The following NOX3 variants were observed in gnomAD, a reference collection of about 807,000 sequenced individuals.
NOX3 encodes the protein NADPH oxidase catalytic subunit-like 3.
Under a neutral mutation model 76.7 loss-of-function variants are expected in NOX3, and 74 were observed. The ratio of observed to expected loss-of-function variants is 0.96; its 90% CI spans 0.80 to 1.17. The LOEUF is 1.17. Ranked by LOEUF, NOX3 falls within the 50% of genes most tolerant of loss-of-function variation. The pLI, the probability that NOX3 is intolerant of heterozygous loss-of-function variation, is 0.00. For synonymous variants in NOX3, 263 were observed against 261.1 expected, an observed-to-expected ratio of 1.01 and a Z score of -0.07; for missense variants, 695 against 703.3, an observed-to-expected ratio of 0.99 and a Z score of 0.13.
intron 12 of NOX3, among the ~76,000 whole-genome samples, chr6:155,400,239 C>T (rs923395100): frequency 6.6e-6 from 1 of 152,144 alleles, no homozygotes; most frequent in Admixed American, 6.5e-5. Flanking sequence ...TGGGTGCGCC[C>T]GGGAGTGATC....
chr6:155,455,376 C>A (rs1041460250), intron 1 of NOX3, among the ~76,000 whole-genome samples: 3 of 152,136 alleles, frequency 2.0e-5, no homozygotes, highest in African/African-American at 7.2e-5. Flanking sequence ...AACTACAAAA[C>A]CTTCTTAATC....
intron 6 of NOX3, among the ~76,000 whole-genome samples, chr6:155,439,546 C>A (rs1776953745): frequency 1.3e-5 from 2 of 152,096 alleles, no homozygotes; most frequent in South Asian, 4.2e-4. Context: ...ACACATTGTC[C>A]CTGCCCGAAC....
At chr6:155,410,893 T>A (rs1189003538) in intron 11 of NOX3, among the ~76,000 whole-genome samples, 1 of 152,208 alleles carries the variant, frequency 6.6e-6, no homozygotes, top group Non-Finnish European at 1.5e-5. Flanking sequence ...ATACAGCCAA[T>A]CAGTAATATT....
At chr6:155,441,240 T>G (rs976931512) in intron 5 of NOX3, among the ~76,000 whole-genome samples, 3 of 152,192 alleles carry the variant, frequency 2.0e-5, no homozygotes, top group African/African-American at 7.2e-5. Context: ...CTTTTGTCAG[T>G]AAAATCTCAT....
chr6:155,416,965 G>C (rs1043931459), intron 10 of NOX3, among the ~76,000 whole-genome samples: 4 of 151,840 alleles, frequency 2.6e-5, no homozygotes, highest in African/African-American at 7.3e-5. Context: ...TGGTCAGGCT[G>C]GTCTCCAACT....
At chr6:155,449,348 G>A (rs1777106070) in intron 4 of NOX3, among the ~76,000 whole-genome samples, 1 of 152,154 alleles carries the variant, frequency 6.6e-6, no homozygotes, top group South Asian at 2.1e-4. Context: ...CTTGATGGAA[G>A]CTGGAGCTCA....
chr6:155,432,263 A>G (rs1776844325), intron 7 of NOX3, among the ~76,000 whole-genome samples: 1 of 152,116 alleles, frequency 6.6e-6, no homozygotes, highest in Non-Finnish European at 1.5e-5. Context: ...AAATCCTGAC[A>G]TTCTGGGAAT....
intron 10 of NOX3, among the ~76,000 whole-genome samples, chr6:155,411,612 G>A (rs1459352450): frequency 6.6e-6 from 1 of 152,184 alleles, no homozygotes; most frequent in African/African-American, 2.4e-5. Context: ...AGTTTCTCTG[G>A]ATGAGGATCA....
intron 4 of NOX3, 82 bp downstream of exon 4, chr6:155,453,322 T>TGG (rs779966378): frequency 5.0e-5 from 53 of 1,067,340 alleles, no homozygotes; most frequent in Non-Finnish European, 7.6e-5. Context: ...GGGTGAGACT[T>TGG]GGGGAAGGCA....
In NOX3 at chr6:155,404,130, T is replaced by A. The variant is rs546250448; in HGVS notation, c.1580+3000A>T. ...CAGTGAATATATATATATATATATT[T>A]TTTTTTTCCCAAAAGGAGAAAATAG... On this transcript the variant is annotated intron_variant, in intron 12 of 13. Coordinates refer to ENST00000159060, the MANE Select transcript of NOX3 (RefSeq NM_015718.3). Among the ~76,000 whole-genome samples, 4 of 90,624 alleles carry A rather than the reference T, an allele frequency of 4.4e-5. No homozygotes were observed. In the East Asian group the frequency reaches 9.7e-4, roughly 22 times the overall value. 59.5% of individuals were successfully genotyped at this position (90,624 alleles called of 152,430 possible).
In NOX3 at chr6:155,407,197, G is replaced by T. The variant is rs1360201655; in HGVS notation, c.1513C>A (p.Gln505Lys). Residue 505 changes from glutamine to lysine, a missense_variant, in exon 12 of 14, where the codon CAG becomes AAG. By Grantham distance (53) the Gln-to-Lys change is moderately conservative. Coordinates refer to ENST00000159060, the MANE Select transcript of NOX3 (RefSeq NM_015718.3). Reference protein sequence around the residue: ...ENTDVITGLKQKTFYGRPNWN... With the variant: ...ENTDVITGLKKKTFYGRPNWN... ...TTGGGCCTCCCATAGAAGGTCTTCT[G>T]CTTTAAGCCTGTAATCACGTCAGTA... is the stretch of plus-strand genomic sequence containing the variant. The T allele has an allele frequency of 6.2e-7, 1 of 1,613,786 alleles. No homozygotes were observed. The highest frequency in any genetic ancestry group is 8.5e-7 in the Non-Finnish European group (1 of 1,179,924).
At chr6:155,398,996 G>C (rs1323394700) in intron 12 of NOX3, among the ~76,000 whole-genome samples, 4 of 152,194 alleles carry the variant, frequency 2.6e-5, no homozygotes, top group African/African-American at 9.7e-5. Context: ...AAGCTGAACA[G>C]AAGAGGTGGT....
intron 7 of NOX3, among the ~76,000 whole-genome samples, chr6:155,434,592 AG>A (rs1387621835): frequency 2.0e-5 from 3 of 152,210 alleles, no homozygotes; most frequent in Admixed American, 6.5e-5. Context: ...CAGAAATGAG[AG>A]CAAGAATGCA....
intron 1 of NOX3, among the ~76,000 whole-genome samples, chr6:155,455,492 G>A (rs979693400): frequency 6.6e-6 from 1 of 152,060 alleles, no homozygotes; most frequent in African/African-American, 2.4e-5. Context: ...GACTTCATTT[G>A]ATTTAGAGAA....
At chr6:155,423,363 CATTT>C (rs1776715895) in intron 9 of NOX3, among the ~76,000 whole-genome samples, 1 of 152,106 alleles carries the variant, frequency 6.6e-6, no homozygotes, top group Non-Finnish European at 1.5e-5. Flanking sequence ...GGAAGCTATT[CATTT>C]GGAATAAATA....
intron 13 of NOX3, among the ~76,000 whole-genome samples, chr6:155,396,314 G>A (rs1235278647): frequency 6.6e-6 from 1 of 152,200 alleles, no homozygotes; most frequent in Non-Finnish European, 1.5e-5. Flanking sequence ...AAGCAGAAAA[G>A]ATCAGGTTTG....
chr6:155,402,970 A>C (rs554527504), intron 12 of NOX3, among the ~76,000 whole-genome samples: 17 of 152,320 alleles, frequency 1.1e-4, no homozygotes, highest in Admixed American at 1.3e-4. Flanking sequence ...GTAGCCAGGC[A>C]GGCTTGGGAA....
chr6:155,436,448 G>A lies in NOX3; in HGVS notation c.768C>T (p.Pro256=), dbSNP rs1776904722. Residue 256 remains proline (P), a synonymous_variant, in exon 7 of 14, where the codon CCC becomes CCT. Coordinates refer to ENST00000159060, the MANE Select transcript of NOX3 (RefSeq NM_015718.3). The part of the protein sequence containing the change: ...YAEWQTVAQC[P]VPQFSGKEPS... ...GTTCCTTGCCAGAAAATTGAGGCAC[G>A]GGGCATTGGGCCACTGTCTGCCATT... 1.9e-6 allele frequency: 3 copies of A among 1,614,080 alleles called. No individual in the cohort carries two copies. Among genetic ancestry groups the A allele is most frequent in the Non-Finnish European group, 2.5e-6 (3 of 1,179,980 alleles).
At chr6:155,449,100 A>G (rs1037932377) in intron 4 of NOX3, among the ~76,000 whole-genome samples, 39 of 152,126 alleles carry the variant, frequency 2.6e-4, no homozygotes, top group African/African-American at 9.2e-4. Context: ...TCAGGACTGA[A>G]GAGTTTGTGC....
Sources: allele counts gnomAD v4.1 joint callset (sites outside exome capture counted in the v4.1 genomes callset), GRCh38; gene constraint gnomAD v4.1.1; transcripts MANE v1.5; gene names NCBI Gene and HGNC (gene_info 2026-07-23, HGNC 2026-07-21).